NRXN3: variants seen among roughly 807,000 people sequenced by gnomAD.
NRXN3 encodes the protein neurexin 3, also known as neurexin III.
A neutral mutation model predicts 137.6 loss-of-function variants in NRXN3; 32 were observed. The ratio of observed to expected loss-of-function variants is 0.23; its 90% confidence interval spans 0.18 to 0.31. NRXN3 has a LOEUF of 0.31. Among genes scored for constraint, NRXN3 ranks in the 10% least tolerant of loss-of-function variants. NRXN3 has a pLI of 1.00. For synonymous variants in NRXN3, 798 were observed against 784.5 expected (o/e 1.02, Z -0.29); for missense variants, 1,574 against 2,062.5 (o/e 0.76, Z 4.59).
chr14:79,406,452 C>T (rs904640372), intron 15 of NRXN3, among the ~76,000 whole-genome samples: 1 of 151,982 alleles, frequency 6.6e-6, no homozygotes, highest in African/African-American at 2.4e-5. Flanking sequence ...CAGTTGCATG[C>T]CACAGTGCCT....
At chr14:79,564,668 CATCTCAATGACA>C (rs2153785961) in intron 16 of NRXN3, among the ~76,000 whole-genome samples, 1 of 152,188 alleles carries the variant, frequency 6.6e-6, no homozygotes, top group Non-Finnish European at 1.5e-5. Flanking sequence ...GTGTATATTT[CATCTCAATGACA>C]ATCTCAAAAA....
intron 15 of NRXN3, among the ~76,000 whole-genome samples, chr14:79,291,411 G>T (rs192649223): frequency 1.5e-3 from 221 of 151,632 alleles, no homozygotes; most frequent in South Asian, 3.1e-3. Context: ...AGCAGAGATG[G>T]GGTCTTGCGG....
chr14:79,715,924 G>A lies in NRXN3; in HGVS notation c.4014+17987G>A, dbSNP rs147168262. 1.2e-4 allele frequency among the ~76,000 whole-genome samples: 18 copies of A among 152,310 alleles called. No individual in the cohort carries two copies. The East Asian group carries it at 2.9e-3, about 24-fold the overall frequency. On this transcript the variant is annotated intron_variant, in intron 19 of 20. Transcript: ENST00000335750. ...CCTGCTGTAGGGATCATACTGTATC[G>A]CGTTCCTCTGGCTTTGGACTACGCA...
intron 17 of NRXN3, among the ~76,000 whole-genome samples, chr14:79,672,751 C>T (rs184526944): frequency 6.6e-6 from 1 of 151,910 alleles, no homozygotes; most frequent in Non-Finnish European, 1.5e-5. Context: ...TACCCTGTAC[C>T]GTTTTTCCTC....
intron 10 of NRXN3, among the ~76,000 whole-genome samples, chr14:78,887,181 G>A (rs2099146198): frequency 6.6e-6 from 1 of 152,020 alleles, no homozygotes; most frequent in African/African-American, 2.4e-5. Flanking sequence ...CATCACATCA[G>A]CCCTATTAGA....
At chr14:78,608,411 A>G (rs1007450308) in intron 4 of NRXN3, among the ~76,000 whole-genome samples, 6 of 152,236 alleles carry the variant, frequency 3.9e-5, no homozygotes, top group Admixed American at 3.3e-4. Context: ...ATCACTGTGT[A>G]TTAAAACATT....
intron 10 of NRXN3, among the ~76,000 whole-genome samples, chr14:78,938,656 G>A (rs2099346591): frequency 6.6e-6 from 1 of 151,988 alleles, no homozygotes; most frequent in Non-Finnish European, 1.5e-5. Context: ...TAGTTTAACA[G>A]TCAAGAATGT....
intron 16 of NRXN3, among the ~76,000 whole-genome samples, chr14:79,504,674 T>TATATATAA (rs1464757508): frequency 5.6e-5 from 8 of 143,456 alleles, no homozygotes; most frequent in African/African-American, 1.3e-4. Flanking sequence ...TATATATATA[T>TATATATAA]AAAACATTAC....
intron 4 of NRXN3, among the ~76,000 whole-genome samples, chr14:78,498,672 A>G (rs895287801): frequency 6.6e-6 from 1 of 152,200 alleles, no homozygotes; most frequent in Admixed American, 6.5e-5. Flanking sequence ...GTACCTCTAG[A>G]AAAATTGCAC....
chr14:78,597,027 C>CAG (rs939383385), intron 4 of NRXN3, among the ~76,000 whole-genome samples: 11 of 152,172 alleles, frequency 7.2e-5, no homozygotes, highest in Non-Finnish European at 1.5e-4. Context: ...CCCTGATCAA[C>CAG]AGAGAGAGAG....
chr14:79,504,582 A>G (rs950906870), intron 16 of NRXN3, among the ~76,000 whole-genome samples: 1 of 147,280 alleles, frequency 6.8e-6, no homozygotes, highest in Non-Finnish European at 1.5e-5. Flanking sequence ...TGCCCTTTTT[A>G]TAGTGTCCAT....
intron 15 of NRXN3, among the ~76,000 whole-genome samples, chr14:79,017,514 A>AT (rs1268517435): frequency 6.6e-6 from 1 of 152,036 alleles, no homozygotes; most frequent in Non-Finnish European, 1.5e-5. Context: ...TAGGGAGGTT[A>AT]TTCAAGTGGC....
At chr14:78,688,259 C>G (rs951047831) in intron 6 of NRXN3, among the ~76,000 whole-genome samples, 22 of 152,022 alleles carry the variant, frequency 1.4e-4, no homozygotes, top group African/African-American at 5.3e-4. Flanking sequence ...AAAGACAGAA[C>G]ATGAGGGCTC....
chr14:79,451,188 G>T (rs945183799), intron 15 of NRXN3, among the ~76,000 whole-genome samples: 26 of 148,386 alleles, frequency 1.8e-4, no homozygotes, highest in Non-Finnish European at 3.1e-4. Flanking sequence ...AAAAAAAAAA[G>T]CTCAGGATAT....
chr14:79,520,618 C>T (rs2097054765), intron 16 of NRXN3, among the ~76,000 whole-genome samples: 1 of 152,204 alleles, frequency 6.6e-6, no homozygotes, highest in Non-Finnish European at 1.5e-5. Flanking sequence ...AGGACATGAA[C>T]TCATCCTTTT....
chr14:78,881,487 G>C (rs154391), intron 10 of NRXN3, among the ~76,000 whole-genome samples: 15,513 of 151,436 alleles, frequency 0.1, 2,439 homozygotes, highest in African/African-American at 0.32. Context: ...AACTTGTTGG[G>C]AACTGGAGTA....
intron 10 of NRXN3, among the ~76,000 whole-genome samples, chr14:78,890,188 G>A (rs1229193483): frequency 6.6e-6 from 1 of 151,840 alleles, no homozygotes; most frequent in African/African-American, 2.4e-5. Flanking sequence ...TTTTTTAATG[G>A]CAGCCATGAG....
intron 10 of NRXN3, among the ~76,000 whole-genome samples, chr14:78,873,489 A>T (rs1596758917): frequency 6.6e-6 from 1 of 152,334 alleles, no homozygotes; most frequent in East Asian, 1.9e-4. Flanking sequence ...AAAATAGCAG[A>T]CATGAGTGTG....
chr14:79,195,271 A>G (rs1010325021), intron 15 of NRXN3, among the ~76,000 whole-genome samples: 12 of 152,310 alleles, frequency 7.9e-5, no homozygotes, highest in African/African-American at 2.4e-4. Flanking sequence ...GCCATCATCT[A>G]TCTCTCCATG....
Sources: gnomAD v4.1 joint callset for allele counts (sites outside exome capture counted in the v4.1 genomes callset) on GRCh38, gnomAD v4.1.1 for gene constraint, MANE v1.5 for transcripts, NCBI Gene and HGNC (gene_info 2026-07-23, HGNC 2026-07-21) for gene names.